KDM2A: variants seen among roughly 807,000 people sequenced by gnomAD.
KDM2A encodes lysine demethylase 2A, also known as lysine-specific demethylase 2A.
A neutral mutation model predicts 137.3 loss-of-function variants in KDM2A; 3 were observed. The observed-to-expected ratio is 0.02, with a 90% CI of 0.01 to 0.06. KDM2A has a LOEUF of 0.06. Ranked by LOEUF, KDM2A falls within the 10% of genes least tolerant of loss-of-function variation. The pLI is 1.00. For synonymous variants in KDM2A, 512 were observed against 541.5 expected (o/e 0.95, Z 0.76); for missense variants, 738 against 1,510.6 (o/e 0.49, Z 8.48).
chr11:67,126,323 C>T (rs192244179), intron 2 of KDM2A, among the ~76,000 whole-genome samples: 73 of 152,042 alleles, frequency 4.8e-4, no homozygotes, highest in African/African-American at 1.7e-3. Flanking sequence ...ACCTATATTC[C>T]CAGCACTTCG....
intron 6 of KDM2A, among the ~76,000 whole-genome samples, chr11:67,213,755 C>CAA (rs71056186): frequency 5.1e-4 from 39 of 77,132 alleles, no homozygotes; most frequent in Admixed American, 1.2e-3. Flanking sequence ...CAGACCGTCT[C>CAA]AAAAAAAAAA....
At chr11:67,227,391 T>C (rs1858579014) in intron 10 of KDM2A, among the ~76,000 whole-genome samples, 1 of 152,174 alleles carries the variant, frequency 6.6e-6, no homozygotes, top group African/African-American at 2.4e-5. Context: ...TCCATGGCCT[T>C]CTGATTCAGG....
In KDM2A at chr11:67,151,455, G is replaced by A. The variant is rs1036673033; in HGVS notation, c.43-28624G>A. Among the ~76,000 whole-genome samples, 47 of 151,304 alleles carry A rather than the reference G, an allele frequency of 3.1e-4. 2 individuals are homozygous for A. The highest frequency in any genetic ancestry group is 2.9e-3 in the Admixed American group (44 of 15,150). The stretch of plus-strand genomic sequence containing the variant: ...GAGTGCAATGGTGCCATCTCTGCTC[G>A]CTGCACCTTCCGCCTCCCGAATAAG... On this transcript the variant is annotated intron_variant, in intron 2 of 20. Coordinates refer to ENST00000529006, the MANE Select transcript of KDM2A (RefSeq NM_012308.3).
chr11:67,202,455 T>G lies in KDM2A; in HGVS notation c.308-5055T>G, dbSNP rs1056555216. 2.0e-5 allele frequency among the ~76,000 whole-genome samples: 3 copies of G among 152,104 alleles called. No homozygotes were observed. In the South Asian group the frequency reaches 6.2e-4, roughly 32 times the overall value. On this transcript the variant is annotated intron_variant, in intron 5 of 20. Coordinates refer to ENST00000529006, the MANE Select transcript of KDM2A (RefSeq NM_012308.3). ...TGTGAAAGGAAGTATCAATCCATGT[T>G]GCAAACTTTATTGTTGTCTTATTTT...
intron 2 of KDM2A, among the ~76,000 whole-genome samples, chr11:67,179,211 T>A (rs1643157159): frequency 6.6e-6 from 1 of 152,206 alleles, no homozygotes; most frequent in Non-Finnish European, 1.5e-5. Context: ...TGGAAAGACA[T>A]GTTATCTTTA....
intron 2 of KDM2A, among the ~76,000 whole-genome samples, chr11:67,132,945 A>G (rs1366983392): frequency 6.6e-6 from 1 of 152,206 alleles, no homozygotes; most frequent in Non-Finnish European, 1.5e-5. Context: ...ATGGAAAGGA[A>G]GAGATAGAAG....
chr11:67,156,189 G>C (rs1241389097), intron 2 of KDM2A, among the ~76,000 whole-genome samples: 1 of 151,162 alleles, frequency 6.6e-6, no homozygotes, highest in African/African-American at 2.4e-5. Context: ...TGGAGGTTGT[G>C]GTGAGCTGAG....
intron 11 of KDM2A, among the ~76,000 whole-genome samples, chr11:67,230,943 GT>G (rs1476115991): frequency 6.6e-6 from 1 of 151,030 alleles, no homozygotes; most frequent in Admixed American, 6.6e-5. Flanking sequence ...AAAAAAAAAA[GT>G]TTTTTGGTTT....
rs1425439752 is a variant in KDM2A at position 67,254,221 on chromosome 11, A to T, written c.3110A>T (p.Lys1037Met). The part of the protein sequence containing the change: ...ADKPGQDNRS[K>M]LRNMTDFRLA... Reference sequence around the variant, plus strand: ...TGTACAGGTCAGGACAATCGCAGCAAGCTCCGGAACATGACCGACTTCCGG... The same window carrying T: ...TGTACAGGTCAGGACAATCGCAGCATGCTCCGGAACATGACCGACTTCCGG... Residue 1037 changes from lysine to methionine, a missense_variant, in exon 20 of 21, where the codon AAG (lysine) becomes ATG (methionine). Physicochemically the swap from Lys to Met is moderately conservative, Grantham distance 95 (BLOSUM62 -1). Coordinates refer to ENST00000529006, the MANE Select transcript of KDM2A (RefSeq NM_012308.3). This position sits in a 1 kb window ranked among gnomAD's most constrained non-coding sequence, Gnocchi z 4.7. 1 of 1,614,002 alleles carries T rather than the reference A, an allele frequency of 6.2e-7. No homozygotes were observed. Among genetic ancestry groups the T allele is most frequent in the East Asian group, 2.2e-5 (1 of 44,882 alleles).
intron 5 of KDM2A, 150 bp from the exon 6 acceptor site, chr11:67,207,360 A>G: frequency 1.9e-6 from 1 of 524,810 alleles, no homozygotes. Flanking sequence ...TTGTGATTTG[A>G]TTATGATTGT....
intron 12 of KDM2A, among the ~76,000 whole-genome samples, chr11:67,236,147 T>G (rs1858865284): frequency 6.6e-6 from 1 of 152,074 alleles, no homozygotes; most frequent in Admixed American, 6.5e-5. Flanking sequence ...TTTTTGTTTT[T>G]TGAGATGAAG....
intron 6 of KDM2A, among the ~76,000 whole-genome samples, chr11:67,213,146 C>T (rs942877046): frequency 4.6e-5 from 7 of 152,216 alleles, no homozygotes; most frequent in African/African-American, 7.2e-5. Flanking sequence ...CCACAGTTAA[C>T]ATCTGGGTAT....
chr11:67,184,113 A>AG (rs1857149909), intron 5 of KDM2A, among the ~76,000 whole-genome samples: 1 of 151,532 alleles, frequency 6.6e-6, no homozygotes, highest in South Asian at 2.1e-4. Context: ...AAAAAAAAAA[A>AG]AAGGCAGGTG....
chr11:67,219,088 T>C (rs959113558), intron 9 of KDM2A, among the ~76,000 whole-genome samples, 200 bp from the exon 10 acceptor site: 6 of 152,218 alleles, frequency 3.9e-5, no homozygotes, highest in African/African-American at 1.4e-4. Flanking sequence ...CATTTAATGC[T>C]CATGAGCAAC....
intron 11 of KDM2A, among the ~76,000 whole-genome samples, chr11:67,230,365 T>G (rs115640717): frequency 0.022 from 3,403 of 152,228 alleles, 82 homozygotes; most frequent in African/African-American, 0.054. Context: ...TGGTGGCTCA[T>G]GCCTGTGATC....
At chr11:67,142,132 A>G (rs187053615) in intron 2 of KDM2A, among the ~76,000 whole-genome samples, 161 of 151,828 alleles carry the variant, frequency 1.1e-3, no homozygotes, top group Non-Finnish European at 1.8e-3. Context: ...TCCACTTCCC[A>G]GGTTCAAATG....
At chr11:67,194,578 G>A (rs1857435363) in intron 5 of KDM2A, among the ~76,000 whole-genome samples, 1 of 152,156 alleles carries the variant, frequency 6.6e-6, no homozygotes. Flanking sequence ...AAGCAATGTG[G>A]CATAACACTT....
chr11:67,181,916 T>C (rs1857099640), intron 5 of KDM2A, 24 bp downstream of exon 5: 1 of 1,608,034 alleles, frequency 6.2e-7, no homozygotes, highest in Non-Finnish European at 8.5e-7. Context: ...TTTTGGCCTC[T>C]GTCTTTAAGG....
intron 5 of KDM2A, among the ~76,000 whole-genome samples, chr11:67,202,505 G>A (rs749706314): frequency 1.3e-5 from 2 of 152,136 alleles, no homozygotes; most frequent in Non-Finnish European, 2.9e-5. Flanking sequence ...GGGCATGGTG[G>A]CTCACGTCTG....
Sources: gnomAD v4.1 joint callset for allele counts (sites outside exome capture counted in the v4.1 genomes callset) on GRCh38, gnomAD v4.1.1 for gene constraint, Gnocchi (gnomAD v3.1) non-coding constraint, MANE v1.5 for transcripts, NCBI Gene and HGNC (gene_info 2026-07-23, HGNC 2026-07-21) for gene names.